Variants in ZMIZ1 observed in about 807,000 individuals in gnomAD.
The protein encoded by ZMIZ1 is zinc finger MIZ domain-containing protein 1.
ZMIZ1 carries 17 observed loss-of-function variants against 113.9 expected under a neutral mutation model. That is an observed-to-expected ratio of 0.15 (90% CI 0.10 to 0.22). ZMIZ1 has a LOEUF of 0.22. ZMIZ1 is among the 10% of genes least tolerant of loss of function. The probability of loss-of-function intolerance (pLI) is 1.00; values close to 1 mark genes in which losing one functional copy is unlikely to be tolerated. For missense variants in ZMIZ1, 1,059 were observed against 1,477.8 expected, an observed-to-expected ratio of 0.72 and a Z score of 4.65; for synonymous variants, 607 against 603.1, an observed-to-expected ratio of 1.01 and a Z score of -0.09.
Position 79,293,512 on chromosome 10 carries a change from T to A in ZMIZ1, c.1089T>A (p.Pro363=). The change falls in exon 12 of 25, where the codon CCT becomes CCA. Residue 363 remains proline, a synonymous_variant. Coordinates refer to ENST00000334512, the MANE Select transcript of ZMIZ1 (RefSeq NM_020338.4). ...AGMTPSGMSG[P]PMGMNQPRPP... The stretch of plus-strand genomic sequence containing the variant: ...TGACGCCCTCGGGGATGAGCGGCCC[T>A]CCCATGGGCATGAACCAGCCCCGGC... 6.2e-7 allele frequency: 1 copy of A among 1,601,500 alleles called. No homozygotes were observed. Among genetic ancestry groups the A allele is most frequent in the East Asian group, 2.2e-5 (1 of 44,576 alleles).
intron 1 of ZMIZ1, among the ~76,000 whole-genome samples, chr10:79,083,370 C>T (rs916160065): frequency 4.6e-5 from 7 of 152,000 alleles, no homozygotes; most frequent in African/African-American, 1.5e-4. Context: ...GCTTGTTTGG[C>T]GTGGTCTGGG....
intron 3 of ZMIZ1, among the ~76,000 whole-genome samples, chr10:79,144,991 A>G (rs1214260119): frequency 6.7e-6 from 1 of 148,616 alleles, no homozygotes; most frequent in East Asian, 2.0e-4. Flanking sequence ...CCATCCCTCC[A>G]TCTATCTCCT....
At chr10:79,290,230 AC>A (rs1853386953) in intron 9 of ZMIZ1, among the ~76,000 whole-genome samples, 1 of 152,084 alleles carries the variant, frequency 6.6e-6, no homozygotes, top group South Asian at 2.1e-4. Context: ...GAGGTCTCTG[AC>A]CCTGGATGTA....
At chr10:79,207,657 C>T (rs1379000863) in intron 5 of ZMIZ1, among the ~76,000 whole-genome samples, 3 of 152,204 alleles carry the variant, frequency 2.0e-5, no homozygotes, top group Non-Finnish European at 2.9e-5. Flanking sequence ...TGCCAGCAGC[C>T]TCTGAGCGGA....
intron 1 of ZMIZ1, among the ~76,000 whole-genome samples, chr10:79,081,999 C>G (rs542148909): frequency 6.6e-6 from 1 of 152,386 alleles, no homozygotes; most frequent in South Asian, 2.1e-4. Flanking sequence ...CCTGGCAGAG[C>G]TGGAGCTAAA....
At chr10:79,134,892 CA>C (rs1564671797) in intron 2 of ZMIZ1, among the ~76,000 whole-genome samples, 1 of 151,576 alleles carries the variant, frequency 6.6e-6, no homozygotes, top group African/African-American at 2.4e-5. Flanking sequence ...TATCTTGGCT[CA>C]CTGCAACCTC....
At chr10:79,292,829 G>C (rs1000874268) in intron 11 of ZMIZ1, 1 of 462,906 alleles carries the variant, frequency 2.2e-6, no homozygotes, top group East Asian at 6.8e-5. Flanking sequence ...AGGGGATGAG[G>C]AGAGGGGAGC....
In ZMIZ1 at chr10:79,302,102, C is replaced by T. The variant is rs569624395; in HGVS notation, c.2020-5C>T. On this transcript the variant is annotated splice_region_variant and splice_polypyrimidine_tract_variant and intron_variant, in intron 17 of 24. Transcript: ENST00000334512. ...AGGAACTGAGTGTCTCCTCTCTCCC[C>T]GCAGTCCCACCTCTTCGTGCTGCAG... 2.2e-5 allele frequency: 36 copies of T among 1,613,644 alleles called. 1 individual carries two copies. The South Asian group carries it at 2.7e-4, about 12-fold the overall frequency.
chr10:79,265,463 C>CTTTTTTTT (rs869066608), intron 7 of ZMIZ1, among the ~76,000 whole-genome samples: 2 of 131,718 alleles, frequency 1.5e-5, no homozygotes, highest in African/African-American at 6.3e-5. Context: ...CCTTTTTTTT[C>CTTTTTTTT]TTTTCTTTTT....
rs376587677 is a variant in ZMIZ1 at position 79,312,693 on chromosome 10, C to A, written c.3148C>A (p.Pro1050Thr). ...PDELLSYLDP[P>T]DLPSNSNDDL... The stretch of plus-strand genomic sequence containing the variant: ...CGAGCTCCTGTCTTATCTGGACCCC[C>A]CCGACCTGCCGAGCAATAGTAACGA... Residue 1050 changes from proline to threonine, a missense_variant, in exon 25 of 25, where the codon CCC (proline) becomes ACC (threonine). Physicochemically the swap from Pro to Thr is conservative, Grantham distance 38. Transcript: ENST00000334512. 3.1e-6 allele frequency: 5 copies of A among 1,614,150 alleles called. No individual in the cohort carries two copies. The African/African-American group carries it at 5.3e-5, about 17-fold the overall frequency.
Position 79,296,509 on chromosome 10 carries a change from G to A in ZMIZ1, c.1269G>A (p.Gln423=). The A allele has an allele frequency of 6.2e-7, 1 of 1,613,980 alleles. No homozygotes were observed. The highest frequency in any genetic ancestry group is 8.5e-7 in the Non-Finnish European group (1 of 1,179,972). ...YGNQQYGPNS[Q]FPTQPGQYPA... ...ACCAGCAATATGGACCAAACAGCCA[G>A]TTCCCCACCCAGCCAGGCCAGTACC... The change falls in exon 13 of 25, where the codon CAG becomes CAA. Residue 423 remains glutamine, a synonymous_variant. Coordinates refer to ENST00000334512, the MANE Select transcript of ZMIZ1 (RefSeq NM_020338.4). The surrounding 1 kb of genome is among the most constrained non-coding windows in gnomAD (Gnocchi z 4.1).
intron 1 of ZMIZ1, among the ~76,000 whole-genome samples, chr10:79,090,321 T>C (rs953510847): frequency 3.3e-5 from 5 of 152,148 alleles, no homozygotes; most frequent in Non-Finnish European, 7.4e-5. Flanking sequence ...GGGTTTTTTT[T>C]CTCATCCCCC....
At chr10:79,146,578 C>T (rs958103953) in intron 3 of ZMIZ1, among the ~76,000 whole-genome samples, 6 of 152,258 alleles carry the variant, frequency 3.9e-5, no homozygotes, top group Admixed American at 1.3e-4. Context: ...GTGGCCCCAA[C>T]GTTGGGCTTT....
intron 4 of ZMIZ1, among the ~76,000 whole-genome samples, chr10:79,166,554 G>T (rs1448076565): frequency 6.6e-6 from 1 of 152,256 alleles, no homozygotes; most frequent in Non-Finnish European, 1.5e-5. Context: ...TCCTGGGCAT[G>T]TGGGTTGCTG....
At chr10:79,103,718 C>T (rs11002819) in intron 1 of ZMIZ1, among the ~76,000 whole-genome samples, 21,729 of 152,044 alleles carry the variant, frequency 0.14, 1,790 homozygotes, top group East Asian at 0.24. Flanking sequence ...AAGCCCTCCT[C>T]CCTGGGGCTC....
chr10:79,314,106 T>C lies in ZMIZ1; in HGVS notation c.*1357T>C. 1 of 456,812 alleles carries C rather than the reference T, an allele frequency of 2.2e-6. No homozygotes were observed. The highest frequency in any genetic ancestry group is 4.4e-6 in the Non-Finnish European group (1 of 226,974). The allele number at this position is 456,812 out of a possible 1,614,324, so 28.3% of individuals were successfully genotyped here. A position where few individuals can be genotyped will look rare whatever the true frequency, so the allele number is the denominator to read the frequency against. On this transcript the variant is annotated 3_prime_UTR_variant, in exon 25 of 25. Transcript: ENST00000334512. ...TCCACCATCACAATCTCACCCAAAC[T>C]CCTGCTCACTCAAGCAAAAGCAGCC...
chr10:79,221,641 G>A (rs1848976829), intron 7 of ZMIZ1, among the ~76,000 whole-genome samples: 1 of 152,170 alleles, frequency 6.6e-6, no homozygotes, highest in African/African-American at 2.4e-5. Context: ...TGCTGGCAAC[G>A]TGGGCACCAA....
intron 7 of ZMIZ1, among the ~76,000 whole-genome samples, chr10:79,224,732 C>A (rs141145958): frequency 6.6e-5 from 10 of 152,254 alleles, no homozygotes; most frequent in East Asian, 5.8e-4. Flanking sequence ...TAGGGGAAGG[C>A]CAGGCTGCTG....
At chr10:79,133,917 T>C (rs899421953) in intron 2 of ZMIZ1, among the ~76,000 whole-genome samples, 1 of 152,292 alleles carries the variant, frequency 6.6e-6, no homozygotes, top group Non-Finnish European at 1.5e-5. Context: ...CCATTCATTT[T>C]GCATTTATTT....
Sources: gnomAD v4.1 joint callset for allele counts (sites outside exome capture counted in the v4.1 genomes callset) on GRCh38, gnomAD v4.1.1 for gene constraint, Gnocchi (gnomAD v3.1) non-coding constraint, MANE v1.5 for transcripts, NCBI Gene and HGNC (gene_info 2026-07-23, HGNC 2026-07-21) for gene names.